CNOT2: variants seen among roughly 807,000 people sequenced by gnomAD.
CNOT2 encodes the protein CCR4-NOT transcription complex subunit 2.
In CNOT2, 7 loss-of-function variants were observed where a neutral mutation model predicts 72.1. That is an observed-to-expected ratio of 0.10 (90% CI 0.06 to 0.18). The LOEUF (loss-of-function observed/expected upper bound fraction) is 0.18, where lower values mean the gene tolerates loss of function less well. CNOT2 is among the 10% of genes least tolerant of loss of function. The pLI, the probability that CNOT2 is intolerant of heterozygous loss-of-function variation, is 1.00. For synonymous variants in CNOT2, 196 were observed against 225.6 expected (o/e 0.87, Z 1.17); for missense variants, 345 against 660.3 (o/e 0.52, Z 5.23).
At chr12:70,262,458 G>A (rs1958821488) in intron 1 of CNOT2, among the ~76,000 whole-genome samples, 1 of 151,896 alleles carries the variant, frequency 6.6e-6, no homozygotes, top group South Asian at 2.1e-4. Context: ...GTATTTTTTA[G>A]TGGAGACGGG....
intron 2 of CNOT2, among the ~76,000 whole-genome samples, chr12:70,296,012 T>C (rs1019809748): frequency 7.2e-5 from 11 of 152,130 alleles, no homozygotes; most frequent in Admixed American, 2.0e-4. Flanking sequence ...TTGTAGACTT[T>C]GGGGGTGCAT....
intron 1 of CNOT2, among the ~76,000 whole-genome samples, chr12:70,265,328 T>C (rs889589698): frequency 4.5e-4 from 22 of 49,234 alleles, no homozygotes; most frequent in African/African-American, 1.1e-3. Context: ...CTCTTCTCTT[T>C]CTTTCTTTTT....
At chr12:70,335,666 G>T in intron 8 of CNOT2, 103 bp downstream of exon 8, 2 of 786,886 alleles carry the variant, frequency 2.5e-6, no homozygotes, top group South Asian at 2.1e-5. Context: ...GTGTACACAT[G>T]TATGTTTGCA....
intron 6 of CNOT2, chr12:70,331,354 T>C (rs551274771): frequency 7.9e-5 from 12 of 152,044 alleles, no homozygotes; most frequent in African/African-American, 2.9e-4. Context: ...CTCTTTTAAA[T>C]TTTAAAAAAC....
intron 1 of CNOT2, among the ~76,000 whole-genome samples, chr12:70,269,817 A>T (rs936646884): frequency 6.6e-6 from 1 of 152,172 alleles, no homozygotes; most frequent in African/African-American, 2.4e-5. Flanking sequence ...GCATTCAGTC[A>T]AAAGACTGAA....
intron 3 of CNOT2, among the ~76,000 whole-genome samples, chr12:70,313,923 A>G (rs774642838): frequency 3.4e-4 from 52 of 152,108 alleles, no homozygotes; most frequent in Non-Finnish European, 6.5e-4. Flanking sequence ...TGTTCTGTTT[A>G]CCATACTGAT....
intron 1 of CNOT2, among the ~76,000 whole-genome samples, chr12:70,266,131 GAGTTCTCT>G (rs1449189712): frequency 6.6e-6 from 1 of 151,412 alleles, no homozygotes; most frequent in Non-Finnish European, 1.5e-5. Flanking sequence ...TTTTCAGACA[GAGTTCTCT>G]CTTGTTGCCC....
intron 2 of CNOT2, among the ~76,000 whole-genome samples, chr12:70,294,834 T>A (rs2091131): frequency 0.14 from 21,952 of 152,176 alleles, 1,921 homozygotes; most frequent in Admixed American, 0.28. Flanking sequence ...ACTGGAACAT[T>A]TCTACCAATC....
At chr12:70,353,750 AT>A (rs1565844676) in intron 15 of CNOT2, 78 bp from the exon 16 acceptor site, 2 of 1,560,858 alleles carry the variant, frequency 1.3e-6, no homozygotes, top group Non-Finnish European at 1.7e-6. Context: ...TATTTTATTT[AT>A]TTTTATAGTA....
chr12:70,265,401 T>C lies in CNOT2; in HGVS notation c.-95-12731T>C, dbSNP rs1449278809. On this transcript the variant is annotated intron_variant, in intron 1 of 15. Transcript: ENST00000229195. ...CTGTAGGTGTAAGACTTCAGGTTTT[T>C]TGAGGAATAGGTGCATTTCATCTAA... 3.9e-5 allele frequency among the ~76,000 whole-genome samples: 6 copies of C among 151,904 alleles called. No individual in the cohort carries two copies. In the East Asian group the frequency reaches 1.2e-3, roughly 29 times the overall value.
intron 2 of CNOT2, among the ~76,000 whole-genome samples, chr12:70,305,912 A>C (rs1183275948): frequency 5.2e-5 from 1 of 19,102 alleles, no homozygotes; most frequent in South Asian, 1.5e-3. Flanking sequence ...TTCTGTGATT[A>C]TTCTGATTTA....
intron 2 of CNOT2, 48 bp from the exon 3 acceptor site, chr12:70,310,847 A>C (rs758158044): frequency 6.4e-7 from 1 of 1,567,762 alleles, no homozygotes; most frequent in Non-Finnish European, 8.7e-7. Flanking sequence ...GGTAACACTG[A>C]ACATTTTCCA....
intron 2 of CNOT2, among the ~76,000 whole-genome samples, chr12:70,300,869 ATTTG>A (rs1873818185): frequency 6.6e-6 from 1 of 152,190 alleles, no homozygotes; most frequent in African/African-American, 2.4e-5. Context: ...ATGTTCTTCC[ATTTG>A]TTTGTATCCT....
intron 15 of CNOT2, 102 bp from the exon 16 acceptor site, chr12:70,353,727 C>G (rs1299220178): frequency 2.0e-6 from 3 of 1,503,868 alleles, no homozygotes; most frequent in Non-Finnish European, 2.7e-6. Context: ...GATGTTGATT[C>G]ATATATATTG....
chr12:70,319,926 GT>G (rs1243201295), intron 4 of CNOT2, among the ~76,000 whole-genome samples: 1 of 151,606 alleles, frequency 6.6e-6, no homozygotes, highest in African/African-American at 2.4e-5. Flanking sequence ...TTTTTAAAGT[GT>G]TGTAATACTT....
At chr12:70,265,323 C>CTCTTCTCTTTTCTT (rs762070879) in intron 1 of CNOT2, among the ~76,000 whole-genome samples, 3 of 145,104 alleles carry the variant, frequency 2.1e-5, no homozygotes, top group Non-Finnish European at 3.0e-5. Context: ...CTCTTCTCTT[C>CTCTTCTCTTTTCTT]TCTTTCTTTC....
At chr12:70,314,894 G>A (rs1003577399) in intron 3 of CNOT2, among the ~76,000 whole-genome samples, 1 of 151,722 alleles carries the variant, frequency 6.6e-6, no homozygotes. Context: ...ACAGAATTTC[G>A]CTCTTGTTGC....
chr12:70,325,729 G>A (rs985285116), intron 4 of CNOT2, among the ~76,000 whole-genome samples: 2 of 151,838 alleles, frequency 1.3e-5, no homozygotes, highest in Non-Finnish European at 2.9e-5. Flanking sequence ...CATTTATGTT[G>A]TCCTTTTTAG....
chr12:70,256,763 G>A (rs933508839), intron 1 of CNOT2, among the ~76,000 whole-genome samples: 3 of 151,678 alleles, frequency 2.0e-5, no homozygotes, highest in Non-Finnish European at 1.5e-5. Flanking sequence ...ACAGTCTCTC[G>A]TTTTTCTCTC....
Sources: gnomAD v4.1 joint callset for allele counts (sites outside exome capture counted in the v4.1 genomes callset) on GRCh38, gnomAD v4.1.1 for gene constraint, MANE v1.5 for transcripts, NCBI Gene and HGNC (gene_info 2026-07-23, HGNC 2026-07-21) for gene names.